ANAPC5: variants seen among roughly 807,000 people sequenced by gnomAD.
ANAPC5 encodes anaphase promoting complex subunit 5.
ANAPC5 carries 60 observed loss-of-function variants against 91.3 expected under a neutral mutation model. The ratio of observed to expected loss-of-function variants is 0.66; its 90% confidence interval spans 0.53 to 0.81. ANAPC5 has a LOEUF of 0.81. ANAPC5 is among the 40% of genes least tolerant of loss of function. The probability of loss-of-function intolerance (pLI) is 0.00; values close to 1 mark genes in which losing one functional copy is unlikely to be tolerated. For missense variants in ANAPC5, 690 were observed against 931.5 expected, an observed-to-expected ratio of 0.74 and a Z score of 3.37; for synonymous variants, 340 against 364.1, an observed-to-expected ratio of 0.93 and a Z score of 0.75.
At chr12:121,333,491 T>C (rs1043743186) in intron 7 of ANAPC5, 3 of 152,142 alleles carry the variant, frequency 2.0e-5, no homozygotes, top group Non-Finnish European at 4.4e-5. Context: ...AAGGCTCTGA[T>C]CGAGAGGTTA....
chr12:121,344,189 T>C (rs1329575321), intron 4 of ANAPC5, among the ~76,000 whole-genome samples: 2 of 152,172 alleles, frequency 1.3e-5, no homozygotes, highest in African/African-American at 4.8e-5. Context: ...GTCTCAGTTC[T>C]CAAGGGGTGA....
intron 2 of ANAPC5, chr12:121,347,400 C>T (rs1486889719): frequency 8.0e-6 from 2 of 248,948 alleles, no homozygotes; most frequent in South Asian, 6.2e-5. Flanking sequence ...GAGGTGGAAG[C>T]GGAGGGATTG....
intron 12 of ANAPC5, among the ~76,000 whole-genome samples, chr12:121,320,084 G>A (rs888045551): frequency 6.6e-6 from 1 of 152,136 alleles, no homozygotes; most frequent in African/African-American, 2.4e-5. Flanking sequence ...TACCAATGAA[G>A]TCCTTTGCAA....
chr12:121,352,908 T>C (rs1903967658), upstream of ANAPC5, among the ~76,000 whole-genome samples: 2 of 152,278 alleles, frequency 1.3e-5, no homozygotes, highest in South Asian at 4.1e-4. Context: ...GGCTTGTTCA[T>C]GTAATTTGAA....
At chr12:121,338,501 A>T (rs1435752539) in intron 5 of ANAPC5, among the ~76,000 whole-genome samples, 3 of 152,066 alleles carry the variant, frequency 2.0e-5, no homozygotes, top group Non-Finnish European at 4.4e-5. Flanking sequence ...AGGCAGGAGA[A>T]TCACTTGAAC....
intron 1 of ANAPC5, among the ~76,000 whole-genome samples, chr12:121,348,167 C>T (rs1032266841): frequency 9.2e-5 from 14 of 152,150 alleles, no homozygotes; most frequent in African/African-American, 3.4e-4. Context: ...AAATTGTGAC[C>T]TCTGAGTTCT....
chr12:121,346,737 A>T (rs1017075703), intron 3 of ANAPC5, 159 bp downstream of exon 3: 1 of 476,102 alleles, frequency 2.1e-6, no homozygotes, highest in Non-Finnish European at 3.7e-6. Context: ...AATGATTTAA[A>T]TATAGATCAA....
At chr12:121,346,213 TTTC>T (rs1903662822) in intron 3 of ANAPC5, 182 bp from the exon 4 acceptor site, 1 of 550,528 alleles carries the variant, frequency 1.8e-6, no homozygotes, top group Admixed American at 3.5e-5. Flanking sequence ...ACAAAGCTGG[TTTC>T]TTCTTATACA....
Position 121,309,786 on chromosome 12 carries a change from G to T in ANAPC5, c.1971C>A (p.Ile657=). 1 of 1,614,162 alleles carries T rather than the reference G, an allele frequency of 6.2e-7. No homozygotes were observed. Among genetic ancestry groups the T allele is most frequent in the East Asian group, 2.2e-5 (1 of 44,892 alleles). Residue 657 remains isoleucine (I), a synonymous_variant, in exon 16 of 17, where the codon ATC becomes ATA. Transcript: ENST00000261819. ...AIEPILADGA[I]LDKGRAMFLV... ...AGAACATGGCACGACCTTTGTCCAGGATAGCCCCGTCAGCCAAGATGGGCT... is the reference window on the plus strand; with the variant it reads ...AGAACATGGCACGACCTTTGTCCAGTATAGCCCCGTCAGCCAAGATGGGCT...
upstream of ANAPC5, chr12:121,352,430 G>A: frequency 1.9e-6 from 2 of 1,048,832 alleles, no homozygotes; most frequent in Middle Eastern, 2.3e-4. Flanking sequence ...ATCTCCGCCC[G>A]CCCTCACAAT....
chr12:121,315,709 G>A (rs1197136545), intron 15 of ANAPC5, among the ~76,000 whole-genome samples: 1 of 152,130 alleles, frequency 6.6e-6, no homozygotes, highest in East Asian at 1.9e-4. Context: ...GGGGAAAGAG[G>A]AGTCTTCAAC....
intron 15 of ANAPC5, among the ~76,000 whole-genome samples, chr12:121,312,766 G>A (rs1471281304): frequency 6.7e-6 from 1 of 149,648 alleles, no homozygotes; most frequent in Non-Finnish European, 1.5e-5. Flanking sequence ...TGTAATCCCA[G>A]CTACTTGGGA....
At chr12:121,331,263 T>C in intron 8 of ANAPC5, 84 bp downstream of exon 8, 3 of 1,236,228 alleles carry the variant, frequency 2.4e-6, no homozygotes, top group South Asian at 1.4e-5. Flanking sequence ...CTGCTCCAAC[T>C]GCAAAACAAC....
intron 15 of ANAPC5, among the ~76,000 whole-genome samples, chr12:121,316,732 CAAAAAAAAA>C (rs35989752): frequency 3.5e-5 from 1 of 28,972 alleles, no homozygotes; most frequent in African/African-American, 1.3e-4. Context: ...GACTCTGTCT[CAAAAAAAAA>C]AAAAAAAAAA....
intron 6 of ANAPC5, among the ~76,000 whole-genome samples, chr12:121,336,861 A>G (rs1903255500): frequency 6.6e-6 from 1 of 152,176 alleles, no homozygotes; most frequent in African/African-American, 2.4e-5. Context: ...GCCTACCAAG[A>G]ACACGATTTC....
At chr12:121,323,975 A>G (rs892318795) in intron 11 of ANAPC5, among the ~76,000 whole-genome samples, 1 of 152,152 alleles carries the variant, frequency 6.6e-6, no homozygotes, top group Admixed American at 6.5e-5. Flanking sequence ...GCAAAGGAGA[A>G]TGGTTATATT....
chr12:121,324,178 C>T (rs901207195), intron 11 of ANAPC5, among the ~76,000 whole-genome samples: 6 of 152,074 alleles, frequency 3.9e-5, no homozygotes, highest in Admixed American at 3.3e-4. Context: ...TAACTGGAGA[C>T]TCATGATAAA....
intron 15 of ANAPC5, among the ~76,000 whole-genome samples, chr12:121,317,284 G>A (rs571033526): frequency 1.5e-4 from 21 of 144,718 alleles, no homozygotes; most frequent in East Asian, 4.0e-4. Flanking sequence ...ATGGAGTCTC[G>A]CTCTGTTGCC....
At position 121,342,196 on chromosome 12, in the gene ANAPC5, G is replaced by T. The variant is rs9668513; in HGVS notation, c.591-127C>A. The T allele has an allele frequency of 6.0e-3, 4,004 of 665,796 alleles. 121 individuals carry two copies. In the African/African-American group the frequency reaches 0.065, roughly 11 times the overall value. 41.2% of individuals were successfully genotyped at this position (665,796 alleles called of 1,614,324 possible). A position where few individuals can be genotyped will look rare whatever the true frequency, so the allele number is the denominator to read the frequency against. ...AATTTAACTCTCTCCTCAGAACTAGGAAAGAAAAACATAAAAAGTGATGTT... is the reference window on the plus strand; with the variant it reads ...AATTTAACTCTCTCCTCAGAACTAGTAAAGAAAAACATAAAAAGTGATGTT... On this transcript the variant is annotated intron_variant, in intron 4 of 16. Coordinates refer to ENST00000261819, the MANE Select transcript of ANAPC5 (RefSeq NM_016237.5). The surrounding 1 kb of genome is among the most constrained non-coding windows in gnomAD (Gnocchi z 4.1).
Sources: gnomAD v4.1 joint callset for allele counts (sites outside exome capture counted in the v4.1 genomes callset) on GRCh38, gnomAD v4.1.1 for gene constraint, Gnocchi (gnomAD v3.1) non-coding constraint, MANE v1.5 for transcripts, NCBI Gene and HGNC (gene_info 2026-07-23, HGNC 2026-07-21) for gene names.